Variants in RALY observed in about 807,000 individuals in gnomAD.
RALY encodes the protein RALY heterogeneous nuclear ribonucleoprotein.
In RALY, 15 loss-of-function variants were observed where a neutral mutation model predicts 30.7. The observed-to-expected ratio is 0.49, with a 90% CI of 0.33 to 0.75. The LOEUF (loss-of-function observed/expected upper bound fraction) is 0.75, where lower values mean the gene tolerates loss of function less well. Ranked by LOEUF, RALY falls within the 30% of genes least tolerant of loss-of-function variation. The probability of loss-of-function intolerance (pLI) is 0.02; values close to 1 mark genes in which losing one functional copy is unlikely to be tolerated. For missense variants in RALY, 339 were observed against 414.3 expected, an observed-to-expected ratio of 0.82 and a Z score of 1.58; for synonymous variants, 177 against 170.8, an observed-to-expected ratio of 1.04 and a Z score of -0.28.
At chr20:34,048,580 G>C (rs926727419) in intron 2 of RALY, among the ~76,000 whole-genome samples, 2 of 152,168 alleles carry the variant, frequency 1.3e-5, no homozygotes, top group Non-Finnish European at 2.9e-5. Context: ...TCTGCGGCCG[G>C]GCGTGGTGGC....
In RALY at chr20:34,071,035, A is replaced by C. The variant is rs1190471679; in HGVS notation, c.-9-1031A>C. ...CAGTGGGAGGTGCTACACACGTCTA[A>C]ACACCAGATCTCACGAGCAGTCACT... On this transcript the variant is annotated intron_variant, in intron 2 of 9. Transcript: ENST00000246194. 2.0e-5 allele frequency among the ~76,000 whole-genome samples: 3 copies of C among 152,198 alleles called. No homozygotes were observed. The East Asian group carries it at 5.8e-4, about 29-fold the overall frequency.
intron 1 of RALY, among the ~76,000 whole-genome samples, chr20:33,995,880 C>A (rs1290698520): frequency 6.6e-6 from 1 of 152,188 alleles, no homozygotes; most frequent in African/African-American, 2.4e-5. Context: ...CTTGCCACTT[C>A]TTAAAAGGGC....
Position 34,073,655 on chromosome 20 carries a change from T to C in RALY, c.329+20T>C, listed in dbSNP as rs907328734. The C allele has an allele frequency of 1.3e-6, 2 of 1,568,770 alleles. No homozygotes were observed. The highest frequency in any genetic ancestry group is 1.8e-6 in the Non-Finnish European group (2 of 1,138,776). ...ATACAGGTGGGGCTGTCTGACTGTC[T>C]GTCTGTCTGGTGGGATGACTCTCTC... On this transcript the variant is annotated intron_variant, in intron 4 of 9. Coordinates refer to ENST00000246194, the MANE Select transcript of RALY (RefSeq NM_016732.3).
chr20:34,076,695 C>A lies in RALY; in HGVS notation c.545-7C>A. ...AGGTGACAGCCCTGTCCCCCCTCCA[C>A]TCCCAGTAAAGAGCAGTGAGCTGCA... On this transcript the variant is annotated splice_region_variant and splice_polypyrimidine_tract_variant and intron_variant, in intron 6 of 9. Transcript: ENST00000246194. The A allele has an allele frequency of 1.2e-6, 2 of 1,613,242 alleles. No individual in the cohort carries two copies. The highest frequency in any genetic ancestry group is 1.1e-5 in the South Asian group (1 of 90,986).
chr20:34,073,500 G>C lies in RALY; in HGVS notation c.257-63G>C, dbSNP rs990383303. 2.8e-6 allele frequency: 4 copies of C among 1,444,080 alleles called. No individual in the cohort carries two copies. The African/African-American group carries it at 4.2e-5, about 15-fold the overall frequency. 89.5% of individuals were successfully genotyped at this position (1,444,080 alleles called of 1,614,324 possible). On this transcript the variant is annotated intron_variant, in intron 3 of 9. Transcript: ENST00000246194. ...CATGAATTGCTGTGCGTGTGCATGA[G>C]GTTGATGTGTGTGGGCACACTGTCA...
intron 2 of RALY, among the ~76,000 whole-genome samples, chr20:34,044,005 G>A (rs1041801486): frequency 1.3e-5 from 2 of 152,026 alleles, no homozygotes; most frequent in African/African-American, 4.8e-5. Context: ...CTTCAAAGAT[G>A]AGGCATTTGG....
chr20:34,027,123 C>A (rs1365060389), intron 1 of RALY, among the ~76,000 whole-genome samples: 2 of 152,132 alleles, frequency 1.3e-5, no homozygotes, highest in African/African-American at 4.8e-5. Flanking sequence ...CCCTCCACAT[C>A]CCCCGTTCAA....
chr20:34,008,311 A>G (rs2031252870), intron 1 of RALY, among the ~76,000 whole-genome samples: 2 of 152,178 alleles, frequency 1.3e-5, no homozygotes, highest in Admixed American at 1.3e-4. Context: ...TAGAATAATG[A>G]TGGAATGAAG....
intron 2 of RALY, among the ~76,000 whole-genome samples, chr20:34,044,408 C>A (rs2032806138): frequency 6.6e-6 from 1 of 151,940 alleles, no homozygotes; most frequent in South Asian, 2.1e-4. Flanking sequence ...CTCACTGCAA[C>A]CTCCTAGGTT....
chr20:34,076,659 T>C (rs2033886510), intron 6 of RALY, 43 bp from the exon 7 acceptor site: 1 of 1,549,146 alleles, frequency 6.5e-7, no homozygotes, highest in Non-Finnish European at 8.9e-7. Flanking sequence ...GTGTCAAGCC[T>C]CCAGCCCCCT....
intron 3 of RALY, among the ~76,000 whole-genome samples, chr20:34,072,925 ATGTAGTG>A (rs1402301269): frequency 4.0e-5 from 5 of 125,518 alleles, no homozygotes; most frequent in Admixed American, 8.9e-5. Context: ...GTATGTATAG[ATGTAGTG>A]TGTGTGTGTG....
chr20:34,077,560 T>A, intron 8 of RALY: 1 of 472,118 alleles, frequency 2.1e-6, no homozygotes, highest in Non-Finnish European at 3.8e-6. Context: ...CTGCAGAGCT[T>A]CAGAGCAGGG....
intron 1 of RALY, among the ~76,000 whole-genome samples, chr20:34,012,871 G>T (rs1054402208): frequency 1.3e-5 from 2 of 152,210 alleles, no homozygotes; most frequent in Non-Finnish European, 2.9e-5. Flanking sequence ...CCCTGGATGT[G>T]CCAGGCTGTA....
intron 2 of RALY, among the ~76,000 whole-genome samples, chr20:34,035,254 G>A (rs1164711029): frequency 6.6e-6 from 1 of 151,420 alleles, no homozygotes; most frequent in Non-Finnish European, 1.5e-5. Context: ...AGTAAGATGA[G>A]GGTGGGGCTG....
chr20:34,003,285 A>G (rs1319330404), intron 1 of RALY, among the ~76,000 whole-genome samples: 2 of 152,202 alleles, frequency 1.3e-5, no homozygotes, highest in Admixed American at 6.5e-5. Context: ...AACACTCCAT[A>G]TCTTGCCTTC....
rs2122364232 is a variant in RALY at position 34,084,043 on chromosome 20, C to CT, written c.*4139dup. On this transcript the variant is annotated 3_prime_UTR_variant, in exon 10 of 10. Coordinates refer to ENST00000246194, the MANE Select transcript of RALY (RefSeq NM_016732.3). Reference sequence around the variant, plus strand: ...CCCTCAGTAGGTGTAGTAAGGACTTCTGGTTACAAGTTACAGAAACTGAAT... The same window carrying CT: ...CCCTCAGTAGGTGTAGTAAGGACTTCTTGGTTACAAGTTACAGAAACTGAAT... 2 of 152,350 alleles carry CT rather than the reference C, an allele frequency of 1.3e-5. No individual in the cohort carries two copies. The highest frequency in any genetic ancestry group is 1.3e-4 in the Admixed American group (2 of 15,296). The allele number at this position is 152,350 out of a possible 1,614,324, so 9.4% of individuals were successfully genotyped here. A position where few individuals can be genotyped will look rare whatever the true frequency, so the allele number is the denominator to read the frequency against.
chr20:34,029,376 TGC>T (rs2032175196), intron 1 of RALY, among the ~76,000 whole-genome samples: 2 of 151,450 alleles, frequency 1.3e-5, no homozygotes, highest in Admixed American at 1.3e-4. Context: ...GGCCGGGGGT[TGC>T]AGTGAGCCAA....
chr20:34,066,812 A>T (rs1339811339), intron 2 of RALY, among the ~76,000 whole-genome samples: 1 of 151,938 alleles, frequency 6.6e-6, no homozygotes, highest in Non-Finnish European at 1.5e-5. Context: ...AGGTTTCAAC[A>T]CACAGATTTG....
chr20:34,077,583 G>T, intron 8 of RALY: 1 of 412,414 alleles, frequency 2.4e-6, no homozygotes, highest in South Asian at 2.4e-5. Context: ...GGGGTGGCTT[G>T]TGGAGGCCAC....
Sources: allele counts gnomAD v4.1 joint callset (sites outside exome capture counted in the v4.1 genomes callset), GRCh38; gene constraint gnomAD v4.1.1; transcripts MANE v1.5; gene names NCBI Gene and HGNC (gene_info 2026-07-23, HGNC 2026-07-21).